The following PDE4D variants were observed in gnomAD, a reference collection of about 807,000 sequenced individuals.
The protein encoded by PDE4D is 3',5'-cyclic-AMP phosphodiesterase 4D.
PDE4D carries 24 observed loss-of-function variants against 87.4 expected under a neutral mutation model. The observed-to-expected ratio is 0.27, with a 90% confidence interval of 0.20 to 0.39. The LOEUF (loss-of-function observed/expected upper bound fraction) is 0.39. Among genes scored for constraint, PDE4D ranks in the 10% least tolerant of loss-of-function variants. The probability of loss-of-function intolerance (pLI) is 1.00; values close to 1 mark genes in which losing one functional copy is unlikely to be tolerated. For synonymous variants in PDE4D, 384 were observed against 383.2 expected (o/e 1.00, Z -0.02); for missense variants, 714 against 1,041.0 (o/e 0.69, Z 4.32).
rs182275326 is a variant in PDE4D, at chr5:59,805,560, T to G, written c.455+87608A>C. ...AAATATAAGAATAGGATGAATGCTA[T>G]GTTAGAGTTTAAGAAGTCAGGACAT... is the stretch of plus-strand genomic sequence containing the variant. On this transcript the variant is annotated intron_variant, in intron 1 of 14. Transcript: ENST00000340635. Among the ~76,000 whole-genome samples the G allele has an allele frequency of 5.9e-4, 90 of 152,360 alleles. 1 individual carries two copies. The East Asian group carries it at 0.015, about 26-fold the overall frequency.
At chr5:59,631,377 T>C (rs1831544174) in intron 1 of PDE4D, among the ~76,000 whole-genome samples, 1 of 152,198 alleles carries the variant, frequency 6.6e-6, no homozygotes, top group Admixed American at 6.5e-5. Context: ...CTTAAAACTA[T>C]ATTACTGAGA....
At chr5:59,768,156 C>G in intron 1 of PDE4D, 1 of 1,454,330 alleles carries the variant, frequency 6.9e-7, no homozygotes, top group African/African-American at 1.4e-5. Context: ...GATGATGGTC[C>G]TCCCTCCCTA....
chr5:60,348,962 G>A (rs529541584), intron 1 of PDE4D, among the ~76,000 whole-genome samples: 1 of 152,056 alleles, frequency 6.6e-6, no homozygotes, highest in African/African-American at 2.4e-5. Flanking sequence ...TTATCATGTA[G>A]ATACAAAGCA....
chr5:59,394,133 A>AAT (rs76533892), intron 1 of PDE4D, among the ~76,000 whole-genome samples: 63,586 of 151,714 alleles, frequency 0.42, 13,597 homozygotes, highest in East Asian at 0.48. Flanking sequence ...TGAGCAGTCC[A>AAT]AGACCCACAG....
At chr5:59,580,878 T>C (rs1175283319) in intron 1 of PDE4D, among the ~76,000 whole-genome samples, 1 of 151,538 alleles carries the variant, frequency 6.6e-6, no homozygotes, top group Admixed American at 6.6e-5. Context: ...TTTTAAATTA[T>C]TTTTTTTTAG....
At chr5:59,791,195 G>T (rs1765747043) in intron 1 of PDE4D, among the ~76,000 whole-genome samples, 1 of 152,196 alleles carries the variant, frequency 6.6e-6, no homozygotes, top group Non-Finnish European at 1.5e-5. Flanking sequence ...GAAATTTACT[G>T]TTACAGGAGC....
chr5:59,226,998 G>C (rs144375054), intron 1 of PDE4D, among the ~76,000 whole-genome samples: 10 of 152,246 alleles, frequency 6.6e-5, no homozygotes, highest in Non-Finnish European at 1.3e-4. Context: ...TAAGAGTATG[G>C]AGGGAAGAGC....
chr5:59,174,428 C>G (rs1783500098), intron 5 of PDE4D: 1 of 152,612 alleles, frequency 6.6e-6, no homozygotes, highest in African/African-American at 2.4e-5. Flanking sequence ...TCATGTGTCT[C>G]CCCCTACAGG....
chr5:59,715,818 G>C (rs899298596), intron 1 of PDE4D, among the ~76,000 whole-genome samples: 1 of 152,204 alleles, frequency 6.6e-6, no homozygotes, highest in African/African-American at 2.4e-5. Flanking sequence ...AAGTAAATTC[G>C]GGTAACATCA....
At chr5:60,492,876 G>A (rs1479889210), upstream of PDE4D, among the ~76,000 whole-genome samples, 2 of 146,770 alleles carry the variant, frequency 1.4e-5, no homozygotes, top group African/African-American at 2.5e-5. Flanking sequence ...ATGTACCCTA[G>A]TACTTAAAGT....
chr5:59,172,200 A>C (rs1313781577), intron 5 of PDE4D, among the ~76,000 whole-genome samples: 1 of 111,232 alleles, frequency 9.0e-6, no homozygotes, highest in African/African-American at 3.7e-5. Flanking sequence ...ATATATAATA[A>C]ATATGTATAT....
intron 6 of PDE4D, chr5:58,999,796 A>G (rs1408715403): frequency 9.9e-7 from 1 of 1,006,404 alleles, no homozygotes; most frequent in Non-Finnish European, 1.2e-6. Flanking sequence ...AAGAAAATCC[A>G]CGTGATAAAG....
intron 5 of PDE4D, among the ~76,000 whole-genome samples, chr5:59,176,858 G>C (rs1345240769): frequency 6.6e-6 from 1 of 152,192 alleles, no homozygotes; most frequent in East Asian, 1.9e-4. Flanking sequence ...ACCAGCGTCT[G>C]TGAATTGTGA....
chr5:59,454,884 C>T (rs535161136), intron 1 of PDE4D, among the ~76,000 whole-genome samples: 1 of 152,280 alleles, frequency 6.6e-6, no homozygotes, highest in African/African-American at 2.4e-5. Context: ...AAACAGACTG[C>T]TGGCATTTTA....
chr5:59,999,848 G>A (rs1248179291), intron 2 of PDE4D, among the ~76,000 whole-genome samples: 1 of 152,074 alleles, frequency 6.6e-6, no homozygotes, highest in Non-Finnish European at 1.5e-5. Context: ...AATGAAATTA[G>A]GAAAATGATG....
chr5:59,684,397 A>AT (rs1045602855), intron 1 of PDE4D, among the ~76,000 whole-genome samples: 5 of 152,260 alleles, frequency 3.3e-5, no homozygotes, highest in South Asian at 2.1e-4. Flanking sequence ...TCTCGATACC[A>AT]TTTTTTTGAA....
chr5:60,172,877 C>A (rs1229294258), intron 2 of PDE4D, among the ~76,000 whole-genome samples: 1 of 152,084 alleles, frequency 6.6e-6, no homozygotes, highest in Non-Finnish European at 1.5e-5. Flanking sequence ...TTTAAAAATC[C>A]TAATACTTTA....
chr5:59,873,258 AT>A (rs1016715419), intron 1 of PDE4D, among the ~76,000 whole-genome samples: 2 of 152,332 alleles, frequency 1.3e-5, no homozygotes, highest in East Asian at 3.9e-4. Flanking sequence ...GATGACACAG[AT>A]TTTTAAGGGA....
chr5:60,489,494 C>A (rs1749402937), upstream of PDE4D, among the ~76,000 whole-genome samples: 1 of 152,048 alleles, frequency 6.6e-6, no homozygotes, highest in African/African-American at 2.4e-5. Context: ...AGATTTGACA[C>A]CAGAAAGAAA....
Sources: allele counts gnomAD v4.1 joint callset (sites outside exome capture counted in the v4.1 genomes callset), GRCh38; gene constraint gnomAD v4.1.1; transcripts MANE v1.5; gene names NCBI Gene and HGNC (gene_info 2026-07-23, HGNC 2026-07-21).